Variants in CDC42BPA observed in about 807,000 individuals in gnomAD.
CDC42BPA encodes the protein serine/threonine-protein kinase MRCK alpha.
In CDC42BPA, 80 loss-of-function variants were observed where a neutral mutation model predicts 223.5. The ratio of observed to expected loss-of-function variants is 0.36; its 90% CI spans 0.30 to 0.43. CDC42BPA has a LOEUF of 0.43. Ranked by LOEUF, CDC42BPA falls within the 20% of genes least tolerant of loss-of-function variation. The probability of loss-of-function intolerance (pLI) is 1.00; values close to 1 mark genes in which losing one functional copy is unlikely to be tolerated. For missense variants in CDC42BPA, 1,743 were observed against 2,099.9 expected (o/e 0.83, Z 3.32); for synonymous variants, 694 against 718.6 (o/e 0.97, Z 0.55).
chr1:227,256,990 C>CACACACACACACACACACACA (rs1683186834), intron 1 of CDC42BPA, among the ~76,000 whole-genome samples: 8 of 143,890 alleles, frequency 5.6e-5, no homozygotes, highest in South Asian at 2.2e-4. Context: ...CACACACACA[C>CACACACACACACACACACACA]CAGTATGTTA....
rs190467326 is a variant in CDC42BPA, at chr1:227,031,007, A to C, written c.3775+291T>G. 1.4e-4 allele frequency among the ~76,000 whole-genome samples: 22 copies of C among 152,266 alleles called. No individual in the cohort carries two copies. The East Asian group carries it at 4.2e-3, about 29-fold the overall frequency. On this transcript the variant is annotated intron_variant, in intron 28 of 36. Coordinates refer to ENST00000366766, the MANE Select transcript of CDC42BPA (RefSeq NM_001394014.1). ...TGTATTTTATATATTAAACTCTAAGAAACTAACTTGTTCTAAATCACACAA... is the reference window on the plus strand; with the variant it reads ...TGTATTTTATATATTAAACTCTAAGCAACTAACTTGTTCTAAATCACACAA...
At chr1:227,054,604 T>C (rs1382682546) in intron 21 of CDC42BPA, among the ~76,000 whole-genome samples, 1 of 152,152 alleles carries the variant, frequency 6.6e-6, no homozygotes, top group African/African-American at 2.4e-5. Context: ...AAATACACTA[T>C]CAATTTAATT....
At chr1:227,010,859 C>A in intron 34 of CDC42BPA, 1 of 1,328,658 alleles carries the variant, frequency 7.5e-7, no homozygotes, top group East Asian at 4.8e-5. Context: ...AAGTTAACAC[C>A]TGACTCAGCT....
At chr1:227,246,784 G>A (rs764440217) in intron 2 of CDC42BPA, among the ~76,000 whole-genome samples, 10 of 152,136 alleles carry the variant, frequency 6.6e-5, no homozygotes, top group East Asian at 3.8e-4. Flanking sequence ...TCCAGACACC[G>A]AAAACATCTA....
intron 31 of CDC42BPA, among the ~76,000 whole-genome samples, chr1:227,025,196 T>C (rs1183478281): frequency 6.6e-6 from 1 of 152,124 alleles, no homozygotes; most frequent in Non-Finnish European, 1.5e-5. Context: ...TGAGCTGATA[T>C]CATGTCACTG....
chr1:227,288,058 T>C (rs1363014832), intron 1 of CDC42BPA, among the ~76,000 whole-genome samples: 1 of 152,204 alleles, frequency 6.6e-6, no homozygotes, highest in Non-Finnish European at 1.5e-5. Context: ...CTTTTCACTG[T>C]AATAAACATT....
At chr1:227,230,488 T>C (rs1054603659) in intron 2 of CDC42BPA, among the ~76,000 whole-genome samples, 1 of 152,224 alleles carries the variant, frequency 6.6e-6, no homozygotes, top group Non-Finnish European at 1.5e-5. Flanking sequence ...TCAAGTCTTT[T>C]GAATAATACT....
intron 10 of CDC42BPA, among the ~76,000 whole-genome samples, chr1:227,129,580 T>A (rs1182171070): frequency 6.9e-6 from 1 of 145,942 alleles, no homozygotes; most frequent in Non-Finnish European, 1.5e-5. Context: ...GATGGGAGAA[T>A]TGCTTGAGCC....
At chr1:227,136,477 G>C (rs1658595293) in intron 10 of CDC42BPA, among the ~76,000 whole-genome samples, 1 of 152,188 alleles carries the variant, frequency 6.6e-6, no homozygotes. Flanking sequence ...TATCTACAGA[G>C]ATTATGGCTT....
At chr1:227,235,623 C>T (rs1678868127) in intron 2 of CDC42BPA, among the ~76,000 whole-genome samples, 1 of 152,126 alleles carries the variant, frequency 6.6e-6, no homozygotes, top group Admixed American at 6.5e-5. Context: ...AAGGAAATAA[C>T]TCCAAACCTG....
At chr1:227,205,819 C>G (rs1672622108) in intron 3 of CDC42BPA, among the ~76,000 whole-genome samples, 1 of 152,106 alleles carries the variant, frequency 6.6e-6, no homozygotes, top group South Asian at 2.1e-4. Flanking sequence ...GAGGCTGAGG[C>G]AGGCAGATCA....
intron 4 of CDC42BPA, among the ~76,000 whole-genome samples, chr1:227,198,168 T>C (rs1671059421): frequency 6.6e-6 from 1 of 152,004 alleles, no homozygotes. Context: ...ATGTTCCTTA[T>C]GGCTGGGCAT....
chr1:227,018,780 T>C (rs1666794050), intron 32 of CDC42BPA, among the ~76,000 whole-genome samples: 1 of 152,234 alleles, frequency 6.6e-6, no homozygotes, highest in African/African-American at 2.4e-5. Context: ...ATACATTATG[T>C]TTACATTATA....
In CDC42BPA at chr1:227,168,796, CCCCTGGTGTT is replaced by C. The variant is rs1237328832; in HGVS notation, c.600-8170_600-8161del. Among the ~76,000 whole-genome samples, 23 of 152,168 alleles carry C rather than the reference CCCCTGGTGTT, an allele frequency of 1.5e-4. 1 individual carries two copies. Among genetic ancestry groups the C allele is most frequent in the East Asian group, 1.2e-3 (6 of 5,170 alleles). On this transcript the variant is annotated intron_variant, in intron 5 of 36. Transcript: ENST00000366766. The stretch of plus-strand genomic sequence containing the variant: ...ACAGGCGTGAGCCACTGCACTCGGC[CCCCTGGTGTT>C]TCTTGAGCATCTCAAATACATAAAA...
intron 5 of CDC42BPA, among the ~76,000 whole-genome samples, chr1:227,162,970 GTA>G (rs957080904): frequency 0.012 from 981 of 81,212 alleles, 14 homozygotes; most frequent in African/African-American, 0.054. Context: ...CCAAACGTGT[GTA>G]TGTTTCCAAA....
chr1:227,265,346 G>C, intron 1 of CDC42BPA: 1 of 342,578 alleles, frequency 2.9e-6, no homozygotes, highest in South Asian at 4.1e-5. Flanking sequence ...CCCTCACAGG[G>C]TCATGAGGAT....
At position 227,106,420 on chromosome 1, in the gene CDC42BPA, AC is replaced by A. The variant is rs370842110; in HGVS notation, c.2002-5182del. Reference sequence around the variant, plus strand: ...TACTTTCTTAATAATGTCCTTTGATACCATACACATTAAGTTTTAATTTTGA... The same window carrying A: ...TACTTTCTTAATAATGTCCTTTGATACATACACATTAAGTTTTAATTTTGA... On this transcript the variant is annotated intron_variant, in intron 14 of 36. Coordinates refer to ENST00000366766, the MANE Select transcript of CDC42BPA (RefSeq NM_001394014.1). Among the ~76,000 whole-genome samples the A allele has an allele frequency of 1.9e-3, 291 of 152,246 alleles. 2 individuals are homozygous for A. Among genetic ancestry groups the A allele is most frequent in the African/African-American group, 6.6e-3 (274 of 41,554 alleles).
chr1:227,277,345 C>T (rs1687277905), intron 1 of CDC42BPA, among the ~76,000 whole-genome samples: 1 of 152,114 alleles, frequency 6.6e-6, no homozygotes, highest in Non-Finnish European at 1.5e-5. Context: ...TTCCAAACGT[C>T]TCAATATTAA....
intron 5 of CDC42BPA, 92 bp downstream of exon 5, chr1:227,193,694 G>A: frequency 2.9e-6 from 3 of 1,046,516 alleles, no homozygotes; most frequent in South Asian, 2.0e-5. Context: ...ATGTATCCAA[G>A]ACCATAATTA....
Sources: gnomAD v4.1 joint callset for allele counts (sites outside exome capture counted in the v4.1 genomes callset) on GRCh38, gnomAD v4.1.1 for gene constraint, MANE v1.5 for transcripts, NCBI Gene and HGNC (gene_info 2026-07-23, HGNC 2026-07-21) for gene names.